SAV1: variants seen among roughly 807,000 people sequenced by gnomAD.
SAV1 encodes protein salvador homolog 1.
Under a neutral mutation model 47.3 loss-of-function variants are expected in SAV1, and 23 were observed. The observed-to-expected ratio is 0.49, with a 90% CI of 0.35 to 0.69. SAV1 has a LOEUF of 0.69. SAV1 is among the 30% of genes least tolerant of loss of function. SAV1 has a pLI of 0.01. For missense variants in SAV1, 448 were observed against 457.4 expected (o/e 0.98, Z 0.19); for synonymous variants, 155 against 159.2 (o/e 0.97, Z 0.20).
chr14:50,635,937 G>A (rs553594063), intron 4 of SAV1, among the ~76,000 whole-genome samples: 1 of 152,226 alleles, frequency 6.6e-6, no homozygotes, highest in Admixed American at 6.5e-5. Context: ...TCAATCTCCT[G>A]ACCTCGTTAT....
intron 2 of SAV1, chr14:50,664,775 T>G (rs1222283577): frequency 6.4e-6 from 1 of 155,396 alleles, no homozygotes; most frequent in Non-Finnish European, 1.4e-5. Flanking sequence ...GTTCCTACTC[T>G]TCTTTCCTTT....
chr14:50,665,200 T>A lies in SAV1; in HGVS notation c.514A>T (p.Asn172Tyr). 1 of 1,581,042 alleles carries A rather than the reference T, an allele frequency of 6.3e-7. No homozygotes were observed. Among genetic ancestry groups the A allele is most frequent in the South Asian group, 1.2e-5 (1 of 85,056 alleles). Residue 172 changes from asparagine (N) to tyrosine (Y), a missense_variant, in exon 2 of 5, where the codon AAT becomes TAT. Coordinates refer to ENST00000324679, the MANE Select transcript of SAV1 (RefSeq NM_021818.4). ...NHDLFQRMPQ[N>Y]QGRHASGIGR... ...CTACCTGAAGCATGCCTCCCCTGATTCTGTGGCATTCTTTGGAAGAGATCA... is the reference window on the plus strand; with the variant it reads ...CTACCTGAAGCATGCCTCCCCTGATACTGTGGCATTCTTTGGAAGAGATCA...
chr14:50,644,574 T>TA (rs1167548259), intron 3 of SAV1, among the ~76,000 whole-genome samples, 170 bp downstream of exon 3: 2 of 152,182 alleles, frequency 1.3e-5, no homozygotes, highest in African/African-American at 4.8e-5. Flanking sequence ...TTTAACTTAT[T>TA]AAAGTCATTT....
intron 4 of SAV1, among the ~76,000 whole-genome samples, chr14:50,640,275 C>T (rs2039670656): frequency 6.6e-6 from 1 of 152,140 alleles, no homozygotes; most frequent in East Asian, 1.9e-4. Context: ...ATGCAAAAAG[C>T]CTGGCTAATT....
rs778522894 is a variant in SAV1, at chr14:50,667,913, C to T, written c.55G>A (p.Gly19Arg). Residue 19 changes from glycine (G) to arginine (R), a missense_variant, in exon 1 of 5, where the codon GGG (glycine) becomes AGG (arginine). Physicochemically the swap from Gly to Arg is moderately radical, Grantham distance 125 (BLOSUM62 -2). Transcript: ENST00000324679. Reference sequence around the variant, plus strand: ...GACGTCTCCTTCTTCACGTACTTCCCCTGCACCTCGGCCGGCTTGGACACT... The same window carrying T: ...GACGTCTCCTTCTTCACGTACTTCCTCTGCACCTCGGCCGGCTTGGACACT... ...NEVSKPAEVQ[G>R]KYVKKETSPL... The T allele has an allele frequency of 1.9e-6, 3 of 1,613,198 alleles. No individual in the cohort carries two copies. The East Asian group carries it at 6.7e-5, about 36-fold the overall frequency.
chr14:50,641,702 C>T (rs1425079321), intron 3 of SAV1, among the ~76,000 whole-genome samples: 1 of 151,990 alleles, frequency 6.6e-6, no homozygotes, highest in Non-Finnish European at 1.5e-5. Flanking sequence ...ATTAAAAAGT[C>T]AAAAAATAAC....
chr14:50,661,220 A>T (rs931889204), intron 2 of SAV1, among the ~76,000 whole-genome samples: 1 of 152,168 alleles, frequency 6.6e-6, no homozygotes, highest in Admixed American at 6.5e-5. Context: ...GTGATGTTGC[A>T]CATTTTTTCA....
rs2140249028 is a variant in SAV1, at chr14:50,640,773, C to T, written c.927G>A (p.Gln309=). 1 of 1,613,382 alleles carries T rather than the reference C, an allele frequency of 6.2e-7. No individual in the cohort carries two copies. The highest frequency in any genetic ancestry group is 8.5e-7 in the Non-Finnish European group (1 of 1,179,644). Residue 309 remains glutamine, a synonymous_variant, in exon 4 of 5, where the codon CAG becomes CAA. Transcript: ENST00000324679. ...ACTTCACAGGGGCTCGTGCGTAAACCTGAAGCCAGTCAGGAATTTCTGCAG... is the reference window on the plus strand; with the variant it reads ...ACTTCACAGGGGCTCGTGCGTAAACTTGAAGCCAGTCAGGAATTTCTGCAG... The part of the protein sequence containing the change: ...YHTAEIPDWL[Q]VYARAPVKYD...
intron 2 of SAV1, among the ~76,000 whole-genome samples, chr14:50,647,602 C>T (rs1175143532): frequency 6.6e-6 from 1 of 151,858 alleles, no homozygotes; most frequent in Admixed American, 6.5e-5. Flanking sequence ...CAAAACGACC[C>T]AGTTAAAAAA....
chr14:50,643,131 G>A (rs1028665106), intron 3 of SAV1, among the ~76,000 whole-genome samples: 13 of 152,176 alleles, frequency 8.5e-5, no homozygotes, highest in African/African-American at 1.2e-4. Context: ...TAAGGGCAGC[G>A]TTTATTCTCT....
chr14:50,662,213 G>A (rs1406320247), intron 2 of SAV1, among the ~76,000 whole-genome samples: 1 of 152,040 alleles, frequency 6.6e-6, no homozygotes, highest in Non-Finnish European at 1.5e-5. Flanking sequence ...CTGTTGCCCA[G>A]GCTGGAGTGC....
rs1306381963 is a variant in SAV1, at chr14:50,661,503, A to G, written c.535+3676T>C. Among the ~76,000 whole-genome samples the G allele has an allele frequency of 2.0e-5, 3 of 152,322 alleles. No individual in the cohort carries two copies. The East Asian group carries it at 5.8e-4, about 29-fold the overall frequency. On this transcript the variant is annotated intron_variant, in intron 2 of 4. Coordinates refer to ENST00000324679, the MANE Select transcript of SAV1 (RefSeq NM_021818.4). ...TGCCTGTGCTTTTGAGGTCTTAGCC[A>G]TAAAATCTTTGTTAGATCGATGTCC...
intron 2 of SAV1, among the ~76,000 whole-genome samples, chr14:50,649,813 G>C (rs1423892553): frequency 6.6e-6 from 1 of 152,216 alleles, no homozygotes; most frequent in East Asian, 1.9e-4. Context: ...ACAGAAGACT[G>C]CCAGTCAACC....
rs1157921747 is a variant in SAV1, at chr14:50,644,777, T to G, written c.773A>C (p.Lys258Thr). Residue 258 changes from lysine (K) to threonine (T), a missense_variant, in exon 3 of 5, where the codon AAG becomes ACG. Transcript: ENST00000324679. ...FGTYYVDHTN[K>T]KAQYRHPCAP... is the part of the protein sequence containing the mutation. The stretch of plus-strand genomic sequence containing the variant: ...ACAGGGATGCCTGTATTGGGCCTTC[T>G]TATTTGTGTGATCTACATAATAGGT... 2 of 1,614,182 alleles carry G rather than the reference T, an allele frequency of 1.2e-6. No homozygotes were observed. The highest frequency in any genetic ancestry group is 2.2e-5 in the South Asian group (2 of 91,088).
chr14:50,667,461 ACC>A (rs2039912046), intron 1 of SAV1: 1 of 456,964 alleles, frequency 2.2e-6, no homozygotes, highest in Non-Finnish European at 4.4e-6. Context: ...GTCGAGAGAC[ACC>A]CGCAATGTTT....
At chr14:50,642,211 G>A (rs1250750685) in intron 3 of SAV1, among the ~76,000 whole-genome samples, 3 of 152,128 alleles carry the variant, frequency 2.0e-5, no homozygotes, top group Admixed American at 6.5e-5. Flanking sequence ...GCGGGCAGAG[G>A]ATGGGAGAAG....
chr14:50,634,353 T>C lies in SAV1; in HGVS notation c.*830A>G, dbSNP rs1566738229. 3.4e-6 allele frequency: 1 copy of C among 292,534 alleles called. No individual in the cohort carries two copies. Among genetic ancestry groups the C allele is most frequent in the Non-Finnish European group, 6.9e-6 (1 of 143,968 alleles). The allele number at this position is 292,534 out of a possible 1,614,324, so 18.1% of individuals were successfully genotyped here. Reference sequence around the variant, plus strand: ...TCCTTATTTTGTTTTTATTTTTTTATTTTTTATTTTTTGAGACAAGGTCTG... The same window carrying C: ...TCCTTATTTTGTTTTTATTTTTTTACTTTTTATTTTTTGAGACAAGGTCTG... On this transcript the variant is annotated 3_prime_UTR_variant, in exon 5 of 5. Transcript: ENST00000324679.
chr14:50,652,707 G>A (rs2039779008), intron 2 of SAV1, among the ~76,000 whole-genome samples: 1 of 152,124 alleles, frequency 6.6e-6, no homozygotes, highest in South Asian at 2.1e-4. Flanking sequence ...ATGATAATAT[G>A]GAACATGAGA....
intron 2 of SAV1, among the ~76,000 whole-genome samples, chr14:50,661,507 A>C (rs964489015): frequency 6.6e-6 from 1 of 152,152 alleles, no homozygotes; most frequent in Non-Finnish European, 1.5e-5. Context: ...TTAGCCATAA[A>C]ATCTTTGTTA....
Sources: allele counts gnomAD v4.1 joint callset (sites outside exome capture counted in the v4.1 genomes callset), GRCh38; gene constraint gnomAD v4.1.1; transcripts MANE v1.5; gene names NCBI Gene and HGNC (gene_info 2026-07-23, HGNC 2026-07-21).